Variants in SEMA5A observed in about 807,000 individuals in gnomAD.
The protein encoded by SEMA5A is semaphorin-5A.
In SEMA5A, 55 loss-of-function variants were observed where a neutral mutation model predicts 135.5. That is an observed-to-expected ratio of 0.41 (90% CI 0.33 to 0.51). The LOEUF (loss-of-function observed/expected upper bound fraction) is 0.51, where lower values mean the gene tolerates loss of function less well. SEMA5A is among the 20% of genes least tolerant of loss of function. The pLI, the probability that SEMA5A is intolerant of heterozygous loss-of-function variation, is 0.37. For synonymous variants in SEMA5A, 580 were observed against 546.5 expected, an observed-to-expected ratio of 1.06 and a Z score of -0.85; for missense variants, 1,290 against 1,419.9, an observed-to-expected ratio of 0.91 and a Z score of 1.47.
intron 2 of SEMA5A, among the ~76,000 whole-genome samples, chr5:9,400,530 G>A (rs1320577765): frequency 2.3e-5 from 2 of 85,492 alleles, no homozygotes; most frequent in African/African-American, 5.7e-5. Flanking sequence ...TTTTTGAGAC[G>A]GAGTCTCGCT....
intron 5 of SEMA5A, among the ~76,000 whole-genome samples, chr5:9,282,074 G>A (rs1324921133): frequency 6.6e-6 from 1 of 152,020 alleles, no homozygotes; most frequent in East Asian, 1.9e-4. Context: ...GCCTCCTAAA[G>A]TGCTGGGATT....
chr5:9,446,643 C>A (rs1389520555), intron 1 of SEMA5A, among the ~76,000 whole-genome samples: 3 of 152,088 alleles, frequency 2.0e-5, no homozygotes, highest in Admixed American at 2.0e-4. Context: ...GTGTCTGAGA[C>A]CCTTTGAAAA....
rs1560976675 is a variant in SEMA5A, at chr5:9,162,416, GTGTGTA to G, written c.1274-7727_1274-7722del. Among the ~76,000 whole-genome samples the G allele has an allele frequency of 5.4e-5, 8 of 149,096 alleles. No individual in the cohort carries two copies. In the East Asian group the frequency reaches 6.0e-4, roughly 11 times the overall value. On this transcript the variant is annotated intron_variant, in intron 11 of 22. Transcript: ENST00000382496. ...TGTGTGTGTGTGTGTATATATATGT[GTGTGTA>G]TATATATGTATATATATGTGTATGT...
chr5:9,313,986 C>G (rs1752279308), intron 5 of SEMA5A, among the ~76,000 whole-genome samples: 1 of 152,114 alleles, frequency 6.6e-6, no homozygotes, highest in Non-Finnish European at 1.5e-5. Flanking sequence ...GGGCAGGACC[C>G]AAGGATGCCT....
At chr5:9,054,577 C>T (rs539875052) in intron 18 of SEMA5A, among the ~76,000 whole-genome samples, 1 of 152,146 alleles carries the variant, frequency 6.6e-6, no homozygotes, top group Non-Finnish European at 1.5e-5. Flanking sequence ...GCAGAGTGCA[C>T]GAGCTGTCAT....
At position 9,305,738 on chromosome 5, in the gene SEMA5A, A is replaced by ACG. The variant is rs1751838367; in HGVS notation, c.270+12633_270+12634insCG. 8.6e-5 allele frequency among the ~76,000 whole-genome samples: 3 copies of ACG among 34,756 alleles called. No individual in the cohort carries two copies. In the South Asian group the frequency reaches 2.2e-3, roughly 26 times the overall value. The allele number at this position is 34,756 out of a possible 152,430, so 22.8% of individuals were successfully genotyped here. A position where few individuals can be genotyped will look rare whatever the true frequency, so the allele number is the denominator to read the frequency against. On this transcript the variant is annotated intron_variant, in intron 5 of 22. Transcript: ENST00000382496. The stretch of plus-strand genomic sequence containing the variant: ...TATATATATATATATTTACACGCAC[A>ACG]CACACACACACACACACATATATAC...
At chr5:9,155,271 A>C (rs890314683) in intron 11 of SEMA5A, among the ~76,000 whole-genome samples, 8 of 151,742 alleles carry the variant, frequency 5.3e-5, no homozygotes, top group African/African-American at 1.9e-4. Flanking sequence ...CTTGGGCTCA[A>C]CTCCTCCAAA....
At chr5:9,531,945 T>C (rs1737465140) in intron 1 of SEMA5A, among the ~76,000 whole-genome samples, 1 of 152,130 alleles carries the variant, frequency 6.6e-6, no homozygotes, top group Non-Finnish European at 1.5e-5. Flanking sequence ...TAGATGACCA[T>C]CTCTCTATGA....
At chr5:9,365,351 C>T (rs2126403563) in intron 3 of SEMA5A, among the ~76,000 whole-genome samples, 1 of 152,068 alleles carries the variant, frequency 6.6e-6, no homozygotes, top group South Asian at 2.1e-4. Flanking sequence ...TAGATTAATG[C>T]AAAAATCCAG....
chr5:9,059,519 T>G (rs1737068913), intron 18 of SEMA5A, among the ~76,000 whole-genome samples: 1 of 152,228 alleles, frequency 6.6e-6, no homozygotes, highest in Non-Finnish European at 1.5e-5. Flanking sequence ...TTTCATTGAT[T>G]AATTTAAAAT....
In SEMA5A at chr5:9,198,642, C is replaced by T. The variant is rs1242055978; in HGVS notation, c.933-1339G>A. The stretch of plus-strand genomic sequence containing the variant: ...AAGGCTCAGCATGATGCATACAGGG[C>T]CTGGCGCTGGAAAATAAAGGGGCGA... On this transcript the variant is annotated intron_variant, in intron 9 of 22. Transcript: ENST00000382496. Among the ~76,000 whole-genome samples, 4 of 152,258 alleles carry T rather than the reference C, an allele frequency of 2.6e-5. No homozygotes were observed. In the South Asian group the frequency reaches 8.3e-4, roughly 32 times the overall value.
rs1178768170 is a variant in SEMA5A, at chr5:9,042,015, C to T, written c.*882G>A. 1 of 152,204 alleles carries T rather than the reference C, an allele frequency of 6.6e-6. No homozygotes were observed. Among genetic ancestry groups the T allele is most frequent in the Non-Finnish European group, 1.5e-5 (1 of 68,034 alleles). 9.4% of individuals were successfully genotyped at this position (152,204 alleles called of 1,614,324 possible). On this transcript the variant is annotated 3_prime_UTR_variant, in exon 23 of 23. Transcript: ENST00000382496. The stretch of plus-strand genomic sequence containing the variant: ...TTTTTCTTTGCAGGGAGAGAGAAGG[C>T]ATGGAGTCTATCCAAACGCTAAGTA...
At chr5:9,488,860 G>C (rs910958167) in intron 1 of SEMA5A, among the ~76,000 whole-genome samples, 1 of 152,144 alleles carries the variant, frequency 6.6e-6, no homozygotes, top group South Asian at 2.1e-4. Context: ...TTTCTGAATC[G>C]AGCATATTTT....
intron 4 of SEMA5A, among the ~76,000 whole-genome samples, chr5:9,332,595 C>G (rs886151766): frequency 7.1e-6 from 1 of 141,000 alleles, no homozygotes; most frequent in Admixed American, 7.1e-5. Context: ...AGGTGTGCAA[C>G]GTGTGAAGTT....
At chr5:9,221,810 C>T (rs1747015858) in intron 8 of SEMA5A, among the ~76,000 whole-genome samples, 1 of 152,190 alleles carries the variant, frequency 6.6e-6, no homozygotes, top group Non-Finnish European at 1.5e-5. Context: ...TAGAACCTAA[C>T]ATTTCTCTGT....
intron 21 of SEMA5A, among the ~76,000 whole-genome samples, chr5:9,049,346 C>G (rs544082859): frequency 6.6e-5 from 10 of 152,212 alleles, no homozygotes; most frequent in African/African-American, 2.4e-4. Flanking sequence ...TTTTTTGGTA[C>G]AGATGGCATT....
At chr5:9,377,810 A>G (rs1265153826) in intron 3 of SEMA5A, among the ~76,000 whole-genome samples, 2 of 152,186 alleles carry the variant, frequency 1.3e-5, no homozygotes, top group African/African-American at 2.4e-5. Context: ...TTTTGTTAGC[A>G]CTGTCCACTG....
chr5:9,537,914 G>C (rs1737856143), intron 1 of SEMA5A, among the ~76,000 whole-genome samples: 1 of 152,230 alleles, frequency 6.6e-6, no homozygotes, highest in Admixed American at 6.5e-5. Flanking sequence ...GCCATGCTGA[G>C]TGTATCTGGA....
intron 5 of SEMA5A, among the ~76,000 whole-genome samples, chr5:9,246,809 C>T (rs1193232669): frequency 6.6e-6 from 1 of 152,110 alleles, no homozygotes; most frequent in Non-Finnish European, 1.5e-5. Context: ...TATAATGAAG[C>T]CTGCCTTGAA....
Sources: allele counts gnomAD v4.1 joint callset (sites outside exome capture counted in the v4.1 genomes callset), GRCh38; gene constraint gnomAD v4.1.1; transcripts MANE v1.5; gene names NCBI Gene and HGNC (gene_info 2026-07-23, HGNC 2026-07-21).